The following CAMK2B variants were observed in gnomAD, a reference collection of about 807,000 sequenced individuals.
CAMK2B encodes calcium/calmodulin dependent protein kinase II beta.
Under a neutral mutation model 93.7 loss-of-function variants are expected in CAMK2B, and 27 were observed. The observed-to-expected ratio is 0.29, with a 90% CI of 0.21 to 0.40. CAMK2B has a LOEUF of 0.40. CAMK2B is among the 10% of genes least tolerant of loss of function. The pLI, the probability that CAMK2B is intolerant of heterozygous loss-of-function variation, is 1.00. For synonymous variants in CAMK2B, 374 were observed against 358.8 expected (o/e 1.04, Z -0.48); for missense variants, 568 against 895.8 (o/e 0.63, Z 4.67).
intron 6 of CAMK2B, among the ~76,000 whole-genome samples, chr7:44,246,463 A>G (rs1196505672): frequency 1.3e-5 from 2 of 151,664 alleles, no homozygotes; most frequent in South Asian, 2.1e-4. Flanking sequence ...ACATGCATAC[A>G]CGCACACATG....
At position 44,286,249 on chromosome 7, in the gene CAMK2B, C is replaced by T. The variant is rs927835620; in HGVS notation, c.66-2024G>A. 6.6e-6 allele frequency among the ~76,000 whole-genome samples: 1 copy of T among 152,106 alleles called. No individual in the cohort carries two copies. On this transcript the variant is annotated intron_variant, in intron 1 of 23. Coordinates refer to ENST00000395749, the MANE Select transcript of CAMK2B (RefSeq NM_001220.5). This position sits in a 1 kb window ranked among gnomAD's most constrained non-coding sequence, Gnocchi z 4.0. ...CAGTCCTGAGCTACCATCTGTCACGCTCTGACCCCTAGAGGGCTCAGCGGC... is the reference window on the plus strand; with the variant it reads ...CAGTCCTGAGCTACCATCTGTCACGTTCTGACCCCTAGAGGGCTCAGCGGC...
intron 22 of CAMK2B, 40 bp downstream of exon 22, chr7:44,220,576 G>A (rs755881789): frequency 1.4e-5 from 21 of 1,543,294 alleles, no homozygotes; most frequent in Non-Finnish European, 1.7e-5. Context: ...CTCTCCTGGG[G>A]GCACCGCCCC....
chr7:44,324,770 G>C (rs1797041270), intron 1 of CAMK2B, among the ~76,000 whole-genome samples: 1 of 152,072 alleles, frequency 6.6e-6, no homozygotes, highest in Non-Finnish European at 1.5e-5. Context: ...GTTTCCAGAA[G>C]AATCTGGGGG....
intron 2 of CAMK2B, among the ~76,000 whole-genome samples, chr7:44,280,119 G>A (rs976861513): frequency 2.0e-5 from 3 of 152,164 alleles, no homozygotes; most frequent in African/African-American, 7.2e-5. Flanking sequence ...TCCTCCTCCC[G>A]AGGTCTCGCA....
At position 44,243,405 on chromosome 7, in the gene CAMK2B, A is replaced by C. The variant is rs766120700; in HGVS notation, c.517+20T>G. The C allele has an allele frequency of 6.2e-7, 1 of 1,612,490 alleles. No individual in the cohort carries two copies. Among genetic ancestry groups the C allele is most frequent in the South Asian group, 1.1e-5 (1 of 91,038 alleles). On this transcript the variant is annotated intron_variant, in intron 7 of 23. Transcript: ENST00000395749. ...TGCCCTGCCAACTGCCAGCCAACAC[A>C]CCCTGCCCCTGGCACTCACCAAACC... is the stretch of plus-strand genomic sequence containing the variant.
chr7:44,237,385 A>T (rs1025941270), intron 13 of CAMK2B, among the ~76,000 whole-genome samples: 11 of 152,256 alleles, frequency 7.2e-5, no homozygotes, highest in Non-Finnish European at 1.5e-4. Context: ...AATGCCACGT[A>T]CAAACCAGCC....
chr7:44,234,328 C>T lies in CAMK2B; in HGVS notation c.1131+62G>A, dbSNP rs377353695. On this transcript the variant is annotated intron_variant, in intron 15 of 23. Transcript: ENST00000395749. ...CCTTCACCCGGCCCCCTCTGACCAG[C>T]GGCAATCACACAGCCAGGGGCGTAG... is the stretch of plus-strand genomic sequence containing the variant. 26 of 1,407,846 alleles carry T rather than the reference C, an allele frequency of 1.8e-5. No individual in the cohort carries two copies. The African/African-American group carries it at 2.0e-4, about 11-fold the overall frequency. The allele number at this position is 1,407,846 out of a possible 1,614,324, so 87.2% of individuals were successfully genotyped here. A position where few individuals can be genotyped will look rare whatever the true frequency, so the allele number is the denominator to read the frequency against.
intron 1 of CAMK2B, among the ~76,000 whole-genome samples, chr7:44,307,132 G>A (rs1462831943): frequency 5.1e-5 from 6 of 118,426 alleles, no homozygotes; most frequent in South Asian, 6.5e-4. Flanking sequence ...TGTGAGCAGG[G>A]GGAGGAGGGT....
At chr7:44,221,001 T>A in intron 20 of CAMK2B, 100 bp from the exon 21 acceptor site, 1 of 955,146 alleles carries the variant, frequency 1.0e-6, no homozygotes, top group South Asian at 1.5e-5. Flanking sequence ...GCGAGCTGCA[T>A]CCATGCCGTG....
At chr7:44,242,075 AG>A in intron 10 of CAMK2B, 142 bp downstream of exon 10, 2 of 949,888 alleles carry the variant, frequency 2.1e-6, no homozygotes, top group Non-Finnish European at 3.1e-6. Flanking sequence ...CCCAAGCCAG[AG>A]GCCACAAGGA....
chr7:44,220,392 C>T (rs1035102998), intron 22 of CAMK2B, 98 bp from the exon 23 acceptor site: 13 of 1,023,876 alleles, frequency 1.3e-5, no homozygotes, highest in Non-Finnish European at 1.8e-5. Flanking sequence ...CTCTCAACTC[C>T]CCTTATTGGG....
At chr7:44,243,379 C>T (rs1368971716) in intron 7 of CAMK2B, 46 bp from the exon 8 acceptor site, 2 of 1,611,674 alleles carry the variant, frequency 1.2e-6, no homozygotes, top group Admixed American at 1.7e-5. Flanking sequence ...GCATCACCTC[C>T]TGCCCTGCCA....
chr7:44,310,207 G>A (rs1036771038), intron 1 of CAMK2B, among the ~76,000 whole-genome samples: 1 of 152,270 alleles, frequency 6.6e-6, no homozygotes, highest in African/African-American at 2.4e-5. Flanking sequence ...TCCTTCGAAA[G>A]TTTTATTCTC....
chr7:44,288,345 T>C (rs1242257619), intron 1 of CAMK2B, among the ~76,000 whole-genome samples: 2 of 152,222 alleles, frequency 1.3e-5, no homozygotes, highest in Non-Finnish European at 2.9e-5. Context: ...TGCAGGTGCA[T>C]AGGCTGATCA....
At chr7:44,243,218 C>T in intron 8 of CAMK2B, 32 bp downstream of exon 8, 1 of 1,562,204 alleles carries the variant, frequency 6.4e-7, no homozygotes, top group African/African-American at 1.3e-5. Flanking sequence ...CACCCGAGGC[C>T]CTGCCCCGCA....
intron 9 of CAMK2B, 49 bp downstream of exon 9, chr7:44,242,511 G>A: frequency 1.9e-6 from 3 of 1,540,744 alleles, no homozygotes; most frequent in Non-Finnish European, 2.7e-6. Context: ...CCCTCACCCG[G>A]CCACACCTGG....
chr7:44,243,569 C>T, intron 6 of CAMK2B, 42 bp from the exon 7 acceptor site: 1 of 1,544,234 alleles, frequency 6.5e-7, no homozygotes, highest in East Asian at 2.3e-5. Context: ...GTTGTTTAAA[C>T]CCAGAGGTGT....
In CAMK2B at chr7:44,311,029, A is replaced by C. The variant is rs1296804715; in HGVS notation, c.65+14328T>G. ...AGGAATCATTAAGAAATAATGACAG[A>C]AACTGGTACTTGCAATGCTGTCTTT... is the stretch of plus-strand genomic sequence containing the variant. On this transcript the variant is annotated intron_variant, in intron 1 of 23. Coordinates refer to ENST00000395749, the MANE Select transcript of CAMK2B (RefSeq NM_001220.5). This position sits in a 1 kb window ranked among gnomAD's most constrained non-coding sequence, Gnocchi z 4.2. Among the ~76,000 whole-genome samples the C allele has an allele frequency of 6.6e-6, 1 of 152,230 alleles. No homozygotes were observed. Among genetic ancestry groups the C allele is most frequent in the Non-Finnish European group, 1.5e-5 (1 of 68,034 alleles).
intron 18 of CAMK2B, 137 bp from the exon 19 acceptor site, chr7:44,229,061 C>A (rs752976781): frequency 5.9e-6 from 5 of 841,052 alleles, no homozygotes; most frequent in Admixed American, 2.0e-5. Flanking sequence ...TCAGAGCCTG[C>A]CTCAATAGCA....
Sources: gnomAD v4.1 joint callset for allele counts (sites outside exome capture counted in the v4.1 genomes callset) on GRCh38, gnomAD v4.1.1 for gene constraint, Gnocchi (gnomAD v3.1) non-coding constraint, MANE v1.5 for transcripts, NCBI Gene and HGNC (gene_info 2026-07-23, HGNC 2026-07-21) for gene names.